Variants in RBFOX1 observed in about 807,000 individuals in gnomAD.
RBFOX1 encodes the protein RNA binding protein fox-1 homolog 1.
A neutral mutation model predicts 57.7 loss-of-function variants in RBFOX1; 8 were observed. The observed-to-expected ratio is 0.14, with a 90% CI of 0.08 to 0.25. RBFOX1 has a LOEUF of 0.25. Ranked by LOEUF, RBFOX1 falls within the 10% of genes least tolerant of loss-of-function variation. The probability of loss-of-function intolerance (pLI) is 1.00; values close to 1 mark genes in which losing one functional copy is unlikely to be tolerated. For synonymous variants in RBFOX1, 326 were observed against 222.4 expected, an observed-to-expected ratio of 1.47 and a Z score of -4.15; for missense variants, 611 against 548.5, an observed-to-expected ratio of 1.11 and a Z score of -1.14.
intron 1 of RBFOX1, among the ~76,000 whole-genome samples, chr16:6,238,432 G>A (rs958299397): frequency 3.3e-5 from 5 of 152,064 alleles, no homozygotes; most frequent in African/African-American, 9.7e-5. Context: ...GACTCTCCTC[G>A]TAGGATGCCT....
At chr16:7,154,657 G>C (rs1227937336) in intron 4 of RBFOX1, among the ~76,000 whole-genome samples, 2 of 151,036 alleles carry the variant, frequency 1.3e-5, no homozygotes. Context: ...ATAAAACTTA[G>C]TTTGGGAAAT....
intron 4 of RBFOX1, among the ~76,000 whole-genome samples, chr16:5,904,778 C>G (rs1413030569): frequency 1.3e-5 from 2 of 151,540 alleles, no homozygotes; most frequent in Non-Finnish European, 2.9e-5. Flanking sequence ...GAGATCAAGA[C>G]CATCCTGGCT....
chr16:6,598,586 A>G (rs1418855360), intron 2 of RBFOX1, among the ~76,000 whole-genome samples: 1 of 152,206 alleles, frequency 6.6e-6, no homozygotes, highest in Non-Finnish European at 1.5e-5. Context: ...ATATAAAAGG[A>G]CTTGTAGTTT....
intron 2 of RBFOX1, among the ~76,000 whole-genome samples, chr16:6,565,369 T>G (rs1030249737): frequency 6.6e-6 from 1 of 152,048 alleles, no homozygotes; most frequent in African/African-American, 2.4e-5. Flanking sequence ...CTGATTCTCC[T>G]GCCTCAGCCT....
Position 6,737,319 on chromosome 16 carries a change from T to C in RBFOX1, c.-16+82669T>C, listed in dbSNP as rs551495610. Among the ~76,000 whole-genome samples, 4 of 152,246 alleles carry C rather than the reference T, an allele frequency of 2.6e-5. No individual in the cohort carries two copies. The South Asian group carries it at 8.3e-4, about 32-fold the overall frequency. ...CTACCCTTATATGTTATTTATAGAT[T>C]TCTTGTTTAGAAGTATAAAAATGCA... On this transcript the variant is annotated intron_variant, in intron 3 of 15. Transcript: ENST00000550418.
intron 3 of RBFOX1, among the ~76,000 whole-genome samples, chr16:7,039,076 C>G (rs183340509): frequency 5.9e-5 from 9 of 152,162 alleles, no homozygotes; most frequent in African/African-American, 2.2e-4. Flanking sequence ...ATGTGTTGTC[C>G]TGCCTGGGAG....
intron 3 of RBFOX1, among the ~76,000 whole-genome samples, chr16:5,864,736 G>A (rs1206990394): frequency 6.6e-6 from 1 of 152,088 alleles, no homozygotes; most frequent in Non-Finnish European, 1.5e-5. Flanking sequence ...AAGTCCAACA[G>A]CCACATTCAG....
At chr16:7,217,027 C>CCCTT (rs1567748582) in intron 4 of RBFOX1, among the ~76,000 whole-genome samples, 1 of 48,192 alleles carries the variant, frequency 2.1e-5, no homozygotes, top group Non-Finnish European at 3.5e-5. Flanking sequence ...CTCCCTCCCT[C>CCCTT]CCTCCCTCCC....
chr16:5,782,102 T>G (rs2151706872), intron 3 of RBFOX1, among the ~76,000 whole-genome samples: 1 of 152,306 alleles, frequency 6.6e-6, no homozygotes, highest in South Asian at 2.1e-4. Context: ...TCCCAGCTAC[T>G]TGGGAGGCTG....
chr16:5,754,805 A>G (rs1474073123), intron 3 of RBFOX1, among the ~76,000 whole-genome samples: 5 of 3,606 alleles, frequency 1.4e-3, no homozygotes, highest in Admixed American at 9.7e-3. Flanking sequence ...CAGTAGATGG[A>G]GCATACAATC....
chr16:7,049,233 C>G (rs2049093912), intron 3 of RBFOX1, among the ~76,000 whole-genome samples: 2 of 152,126 alleles, frequency 1.3e-5, no homozygotes, highest in Non-Finnish European at 2.9e-5. Context: ...TGTTCACCTG[C>G]TTCTCATCTG....
intron 1 of RBFOX1, among the ~76,000 whole-genome samples, chr16:6,174,332 T>A (rs866091295): frequency 6.6e-6 from 1 of 152,184 alleles, no homozygotes; most frequent in Non-Finnish European, 1.5e-5. Flanking sequence ...CGGTGGCTCA[T>A]GCCTGTCATC....
At chr16:5,393,945 C>T (rs2066480552) in intron 1 of RBFOX1, among the ~76,000 whole-genome samples, 1 of 152,228 alleles carries the variant, frequency 6.6e-6, no homozygotes, top group Non-Finnish European at 1.5e-5. Context: ...CTCTTCTCGG[C>T]ACCTCATATA....
At chr16:6,416,100 G>A (rs906614459) in intron 2 of RBFOX1, among the ~76,000 whole-genome samples, 6 of 152,242 alleles carry the variant, frequency 3.9e-5, no homozygotes, top group East Asian at 3.9e-4. Context: ...AATATTTATC[G>A]TCTTGTAAGG....
intron 3 of RBFOX1, among the ~76,000 whole-genome samples, chr16:6,782,038 T>G (rs1216553603): frequency 2.0e-5 from 3 of 152,088 alleles, no homozygotes; most frequent in African/African-American, 7.2e-5. Flanking sequence ...TACGGAGCCT[T>G]GCTCTGTCAC....
rs1439941052 is a variant in RBFOX1 at position 5,575,189 on chromosome 16, T to G, written c.259-23713T>G. On this transcript the variant is annotated intron_variant, in intron 2 of 2. Transcript: ENST00000585867. ...CTGTTACCCTAAACACACCCTAACT[T>G]GCTGTCTCTGAATAGTTTGTTTCTT... Among the ~76,000 whole-genome samples, 2 of 152,212 alleles carry G rather than the reference T, an allele frequency of 1.3e-5. 1 individual carries two copies. Among genetic ancestry groups the G allele is most frequent in the Non-Finnish European group, 2.9e-5 (2 of 68,028 alleles).
intron 3 of RBFOX1, among the ~76,000 whole-genome samples, chr16:5,844,274 A>C (rs1248917997): frequency 1.3e-5 from 2 of 152,212 alleles, no homozygotes; most frequent in African/African-American, 4.8e-5. Context: ...CTCAGCCCAC[A>C]TATCAGAGCA....
At chr16:7,298,284 T>G (rs970482637) in intron 4 of RBFOX1, among the ~76,000 whole-genome samples, 2 of 139,516 alleles carry the variant, frequency 1.4e-5, no homozygotes, top group African/African-American at 2.8e-5. Context: ...GGTTTTTTTT[T>G]GTTTTTTTTT....
chr16:5,892,346 G>C (rs922954004), intron 4 of RBFOX1, among the ~76,000 whole-genome samples: 1 of 152,148 alleles, frequency 6.6e-6, no homozygotes, highest in African/African-American at 2.4e-5. Context: ...GAAGATCTGG[G>C]TTGCAATTCC....
Sources: allele counts gnomAD v4.1 joint callset (sites outside exome capture counted in the v4.1 genomes callset), GRCh38; gene constraint gnomAD v4.1.1; transcripts MANE v1.5; gene names NCBI Gene and HGNC (gene_info 2026-07-23, HGNC 2026-07-21).